The following TRIM16 variants were observed in gnomAD, a reference collection of about 807,000 sequenced individuals.
TRIM16 encodes the protein tripartite motif-containing protein 16.
A neutral mutation model predicts 50.4 loss-of-function variants in TRIM16; 33 were observed. That is an observed-to-expected ratio of 0.65 (90% CI 0.50 to 0.88). The LOEUF (loss-of-function observed/expected upper bound fraction) is 0.88, where lower values mean the gene tolerates loss of function less well. Ranked by LOEUF, TRIM16 falls within the 40% of genes least tolerant of loss-of-function variation. TRIM16 has a pLI of 0.00. For synonymous variants in TRIM16, 229 were observed against 270.7 expected (o/e 0.85, Z 1.51); for missense variants, 581 against 686.8 (o/e 0.85, Z 1.72).
chr17:15,632,601 G>A lies in TRIM16; in HGVS notation c.923C>T (p.Ser308Leu), dbSNP rs145384017. The part of the protein sequence containing the change: ...SVYVGLKDKL[S>L]GIRKVITEST... ...TTCCGTGATAACTTTGCGGATGCCC[G>A]AGAGTTTATCCTTCAGCCCTACGTA... The change falls in exon 10 of 12, where the codon TCG (serine) becomes TTG (leucine). Residue 308 changes from serine (S) to leucine (L), a missense_variant. Ser to Leu is a moderately radical substitution (Grantham distance 145, BLOSUM62 -2). Around this residue, in one of 3 missense-constraint regions of TRIM16, gnomAD observed 450 missense variants for 544.3 expected, o/e 0.83. Coordinates refer to ENST00000649191, the MANE Select transcript of TRIM16 (RefSeq NM_001348119.1). 1,777 of 1,613,962 alleles carry A rather than the reference G, an allele frequency of 1.1e-3. 20 individuals are homozygous for A. The African/African-American group carries it at 0.02, about 18-fold the overall frequency.
At chr17:15,665,554 G>T (rs145309167) in intron 6 of TRIM16, among the ~76,000 whole-genome samples, 1 of 152,158 alleles carries the variant, frequency 6.6e-6, no homozygotes, top group Non-Finnish European at 1.5e-5. Flanking sequence ...ACAACATAAT[G>T]TATCGGGAAA....
intron 7 of TRIM16, among the ~76,000 whole-genome samples, chr17:15,645,265 T>G (rs1179633739): frequency 6.6e-6 from 1 of 152,198 alleles, no homozygotes; most frequent in Non-Finnish European, 1.5e-5. Flanking sequence ...CCAGGGACAT[T>G]ATTAATGAGC....
intron 4 of TRIM16, among the ~76,000 whole-genome samples, chr17:15,678,878 CTT>C (rs55929822): frequency 5.3e-5 from 4 of 75,360 alleles, no homozygotes; most frequent in Admixed American, 1.3e-4. Flanking sequence ...GCAGACTCTC[CTT>C]TTTTTTTTTT....
intron 4 of TRIM16, among the ~76,000 whole-genome samples, chr17:15,678,055 T>C (rs1470140232): frequency 6.6e-6 from 1 of 151,608 alleles, no homozygotes; most frequent in Non-Finnish European, 1.5e-5. Flanking sequence ...ATCTCTACTA[T>C]AAATACAAAA....
chr17:15,665,232 G>A (rs375820556), intron 6 of TRIM16, among the ~76,000 whole-genome samples: 1 of 152,162 alleles, frequency 6.6e-6, no homozygotes, highest in African/African-American at 2.4e-5. Context: ...GGCTGTAGAG[G>A]CCGGGCGCAG....
At chr17:15,666,858 T>G (rs773275440) in intron 6 of TRIM16, among the ~76,000 whole-genome samples, 38 of 152,270 alleles carry the variant, frequency 2.5e-4, no homozygotes, top group South Asian at 6.2e-4. Flanking sequence ...CTATTTGGTA[T>G]TATCTTTACC....
Position 15,666,302 on chromosome 17 carries a change from G to A in TRIM16, c.-338+10874C>T, listed in dbSNP as rs566299391. Among the ~76,000 whole-genome samples, 6 of 152,048 alleles carry A rather than the reference G, an allele frequency of 3.9e-5. No homozygotes were observed. In the East Asian group the frequency reaches 5.8e-4, roughly 15 times the overall value. The stretch of plus-strand genomic sequence containing the variant: ...TCACTGTATTGCCCAAGTTAGACTC[G>A]AACTCCTGCTCTCAAGTGATCCTTT... On this transcript the variant is annotated intron_variant, in intron 6 of 11. Coordinates refer to ENST00000649191, the MANE Select transcript of TRIM16 (RefSeq NM_001348119.1).
chr17:15,654,730 T>C (rs1334213386), intron 6 of TRIM16, among the ~76,000 whole-genome samples: 1 of 152,214 alleles, frequency 6.6e-6, no homozygotes, highest in Non-Finnish European at 1.5e-5. Context: ...ACTGTCTTTG[T>C]TTCTCGCTTC....
intron 7 of TRIM16, among the ~76,000 whole-genome samples, chr17:15,650,845 CACAG>C (rs1215555620): frequency 1.3e-5 from 2 of 152,156 alleles, no homozygotes; most frequent in Non-Finnish European, 2.9e-5. Flanking sequence ...GAGAGACAGA[CACAG>C]ACAGAGATCG....
At chr17:15,654,946 G>A (rs1288802975) in intron 6 of TRIM16, among the ~76,000 whole-genome samples, 2 of 151,810 alleles carry the variant, frequency 1.3e-5, no homozygotes, top group Non-Finnish European at 1.5e-5. Context: ...GGGGAAAGAT[G>A]AATAGCTGTC....
chr17:15,672,697 C>T (rs1231664775), intron 6 of TRIM16, among the ~76,000 whole-genome samples: 1 of 152,160 alleles, frequency 6.6e-6, no homozygotes, highest in Non-Finnish European at 1.5e-5. Context: ...GGCGTCACTG[C>T]ACTCCAGCCC....
At chr17:15,659,898 A>G (rs1299499394) in intron 6 of TRIM16, among the ~76,000 whole-genome samples, 1 of 152,236 alleles carries the variant, frequency 6.6e-6, no homozygotes, top group African/African-American at 2.4e-5. Flanking sequence ...GGGCAGACTT[A>G]TCTCAGGCCA....
chr17:15,668,576 C>T (rs1279098799), intron 6 of TRIM16, among the ~76,000 whole-genome samples: 1 of 152,156 alleles, frequency 6.6e-6, no homozygotes, highest in Non-Finnish European at 1.5e-5. Context: ...CTCGTTCCTT[C>T]CTTAGCCTCT....
rs1987731043 is a variant in TRIM16 at position 15,651,938 on chromosome 17, G to A, written c.-329C>T. 7.9e-7 allele frequency: 1 copy of A among 1,258,310 alleles called. No individual in the cohort carries two copies. The highest frequency in any genetic ancestry group is 1.7e-5 in the South Asian group (1 of 57,634). 77.9% of individuals were successfully genotyped at this position (1,258,310 alleles called of 1,614,324 possible). ...GCTCTGCTGAAGACCACGTGTCTCT[G>A]TGCCTGCTCTGGAAAGGACAGAAGA... On this transcript the variant is annotated 5_prime_UTR_variant, in exon 7 of 12. The change creates a premature stop within an existing upstream ORF in the 5' untranslated region. Coordinates refer to ENST00000649191, the MANE Select transcript of TRIM16 (RefSeq NM_001348119.1).
Position 15,651,479 on chromosome 17 carries a change from T to A in TRIM16, c.131A>T (p.Asp44Val). ...GCCAAGCTTCTCCGAGGAGCCCACG[T>A]CCTCTTCTTCCACTGGGCTGGCTGA... ...SGSASPVEEE[D>V]VGSSEKLGRE... The change falls in exon 7 of 12, where the codon GAC (aspartate) becomes GTC (valine). Residue 44 changes from aspartate (D) to valine (V), a missense_variant. Asp to Val is a radical substitution (Grantham distance 152). Around this residue, in one of 3 missense-constraint regions of TRIM16, gnomAD observed 450 missense variants for 544.3 expected, o/e 0.83. Coordinates refer to ENST00000649191, the MANE Select transcript of TRIM16 (RefSeq NM_001348119.1). 1 of 1,611,898 alleles carries A rather than the reference T, an allele frequency of 6.2e-7. No individual in the cohort carries two copies. The highest frequency in any genetic ancestry group is 8.5e-7 in the Non-Finnish European group (1 of 1,178,596).
chr17:15,636,082 T>C lies in TRIM16; in HGVS notation c.803A>G (p.Glu268Gly), dbSNP rs1288737989. 1 of 1,609,556 alleles carries C rather than the reference T, an allele frequency of 6.2e-7. No homozygotes were observed. The highest frequency in any genetic ancestry group is 8.5e-7 in the Non-Finnish European group (1 of 1,178,790). The change falls in exon 9 of 12, where the codon GAG becomes GGG. Residue 268 changes from glutamate to glycine, a missense_variant. Coordinates refer to ENST00000649191, the MANE Select transcript of TRIM16 (RefSeq NM_001348119.1). Reference sequence around the variant, plus strand: ...GCTGATGGCCGCCATCCTCTCCAGCTCCTGCTTGCTCTTCTCCATCTCGGC... The same window carrying C: ...GCTGATGGCCGCCATCCTCTCCAGCCCCTGCTTGCTCTTCTCCATCTCGGC... ...RSAEMEKSKQELERMAAISNT... is the reference protein window; with the variant it reads ...RSAEMEKSKQGLERMAAISNT...
chr17:15,665,558 C>T (rs1164550828), intron 6 of TRIM16, among the ~76,000 whole-genome samples: 2 of 152,106 alleles, frequency 1.3e-5, no homozygotes, highest in East Asian at 1.9e-4. Context: ...CATAATGTAT[C>T]GGGAAACCAG....
rs566591079 is a variant in TRIM16, at chr17:15,660,708, C to T, written c.-337-8762G>A. Among the ~76,000 whole-genome samples, 8 of 152,034 alleles carry T rather than the reference C, an allele frequency of 5.3e-5. No homozygotes were observed. In the South Asian group the frequency reaches 1.7e-3, roughly 32 times the overall value. The stretch of plus-strand genomic sequence containing the variant: ...GGTCAGGAGATTGAGAACAACCTGG[C>T]TAACACGGTGAAACCCCATCTCTAC... On this transcript the variant is annotated intron_variant, in intron 6 of 11. Transcript: ENST00000649191.
chr17:15,634,619 G>A, intron 9 of TRIM16, among the ~76,000 whole-genome samples: 2 of 115,356 alleles, frequency 1.7e-5, no homozygotes, highest in Non-Finnish European at 1.8e-5. Flanking sequence ...CAACAAGAGT[G>A]AAACTCAGTC....
Sources: allele counts gnomAD v4.1 joint callset (sites outside exome capture counted in the v4.1 genomes callset), GRCh38; gene constraint gnomAD v4.1.1; regional missense constraint gnomAD v4.1.1; transcripts MANE v1.5; gene names NCBI Gene and HGNC (gene_info 2026-07-23, HGNC 2026-07-21).